Variants in TENM2 observed in about 807,000 individuals in gnomAD.
TENM2 encodes the protein teneurin-2.
A neutral mutation model predicts 245.2 loss-of-function variants in TENM2; 52 were observed. The observed-to-expected ratio is 0.21, with a 90% CI of 0.17 to 0.27. TENM2 has a LOEUF of 0.27. Ranked by LOEUF, TENM2 falls within the 10% of genes least tolerant of loss-of-function variation. The pLI is 1.00. For missense variants in TENM2, 3,046 were observed against 3,666.8 expected (o/e 0.83, Z 4.37); for synonymous variants, 1,363 against 1,438.9 (o/e 0.95, Z 1.19).
intron 2 of TENM2, among the ~76,000 whole-genome samples, chr5:167,388,086 A>G (rs981385580): frequency 1.3e-5 from 2 of 152,152 alleles, no homozygotes; most frequent in East Asian, 3.8e-4. Flanking sequence ...TAGTGTCAAT[A>G]GGATTGGTGC....
intron 10 of TENM2, among the ~76,000 whole-genome samples, chr5:168,124,624 CT>C (rs1289164340): frequency 6.6e-6 from 1 of 152,178 alleles, no homozygotes; most frequent in Non-Finnish European, 1.5e-5. Flanking sequence ...TCTCTTGTAT[CT>C]TCTTCAAGTT....
At chr5:167,978,713 A>G (rs1415225345) in intron 4 of TENM2, among the ~76,000 whole-genome samples, 1 of 152,192 alleles carries the variant, frequency 6.6e-6, no homozygotes, top group Non-Finnish European at 1.5e-5. Flanking sequence ...TGGAACTTAA[A>G]TAGAGGCAGA....
the TENM2 span, among the ~76,000 whole-genome samples, chr5:167,224,162 G>T: frequency 6.6e-6 from 1 of 152,040 alleles, no homozygotes; most frequent in Admixed American, 6.6e-5. Context: ...TCTGTTGATT[G>T]TTTCTTTTGC....
intron 3 of TENM2, among the ~76,000 whole-genome samples, chr5:167,878,352 A>G (rs1773596335): frequency 1.3e-5 from 2 of 152,200 alleles, no homozygotes. Context: ...AATGCCACAG[A>G]AAATTTAAGG....
the TENM2 span, among the ~76,000 whole-genome samples, chr5:167,144,204 C>A: frequency 6.6e-6 from 1 of 152,008 alleles, no homozygotes; most frequent in East Asian, 1.9e-4. Flanking sequence ...GTGGTGGGAG[C>A]GGTTCGCATT....
At chr5:167,006,735 C>T in the TENM2 span, among the ~76,000 whole-genome samples, 15 of 151,668 alleles carry the variant, frequency 9.9e-5, no homozygotes, top group South Asian at 6.2e-4. Context: ...GGAGTGATCT[C>T]GGCTCACTGC....
chr5:167,510,669 GAAGA>G (rs1009404517), intron 2 of TENM2, among the ~76,000 whole-genome samples: 20 of 151,776 alleles, frequency 1.3e-4, no homozygotes, highest in Non-Finnish European at 2.4e-4. Flanking sequence ...GAAAGGAAAG[GAAGA>G]AAGAAAATGA....
intron 2 of TENM2, among the ~76,000 whole-genome samples, chr5:167,499,058 A>G (rs1490810066): frequency 6.6e-6 from 1 of 151,754 alleles, no homozygotes. Context: ...TTTTTCTTGC[A>G]CTCTCTTCCT....
At chr5:167,149,444 G>T in the TENM2 span, among the ~76,000 whole-genome samples, 1 of 151,636 alleles carries the variant, frequency 6.6e-6, no homozygotes. Context: ...TTTTAAAGAA[G>T]ATTACATTCC....
the TENM2 span, among the ~76,000 whole-genome samples, chr5:167,241,868 G>A: frequency 2.0e-5 from 3 of 152,064 alleles, no homozygotes; most frequent in Admixed American, 1.3e-4. Flanking sequence ...AACGGTTGAT[G>A]GCTGAGGAAG....
chr5:167,902,090 G>T lies in TENM2; in HGVS notation c.712+25895G>T, dbSNP rs533200776. ...CTTCCATTTCTTGAGGCCATCTTGGGTTAGGCTAAGTGGAATTCTGCCAAC... is the reference window on the plus strand; with the variant it reads ...CTTCCATTTCTTGAGGCCATCTTGGTTTAGGCTAAGTGGAATTCTGCCAAC... On this transcript the variant is annotated intron_variant, in intron 3 of 28. Coordinates refer to ENST00000518659, the Ensembl canonical transcript of TENM2. Among the ~76,000 whole-genome samples the T allele has an allele frequency of 2.0e-3, 304 of 152,194 alleles. 2 individuals are homozygous for T. Among genetic ancestry groups the T allele is most frequent in the Middle Eastern group, 0.01 (3 of 294 alleles).
At chr5:167,785,061 G>A (rs1389256132) in intron 2 of TENM2, among the ~76,000 whole-genome samples, 1 of 151,982 alleles carries the variant, frequency 6.6e-6, no homozygotes, top group African/African-American at 2.4e-5. Context: ...TGAACTAAGA[G>A]GAAAATTTTT....
At chr5:167,748,736 A>G (rs973659045) in intron 2 of TENM2, among the ~76,000 whole-genome samples, 1 of 152,044 alleles carries the variant, frequency 6.6e-6, no homozygotes, top group African/African-American at 2.4e-5. Context: ...CAGGGGAGAG[A>G]AGTGCAAGTA....
chr5:167,064,895 G>C, the TENM2 span, among the ~76,000 whole-genome samples: 1 of 151,996 alleles, frequency 6.6e-6, no homozygotes, highest in Non-Finnish European at 1.5e-5. Flanking sequence ...TTAATTAGGG[G>C]GAGAGTAACG....
chr5:167,872,549 AGAAAGAAAGAAAGAAAG>A (rs1773059364), intron 2 of TENM2, among the ~76,000 whole-genome samples: 1 of 27,628 alleles, frequency 3.6e-5, no homozygotes, highest in Admixed American at 4.1e-4. Flanking sequence ...AGAAAGAAAG[AGAAAGAAAGAAAGAAAG>A]AAAGAAAGAA....
intron 2 of TENM2, among the ~76,000 whole-genome samples, chr5:167,626,543 T>C (rs1778513373): frequency 6.6e-6 from 1 of 152,220 alleles, no homozygotes; most frequent in African/African-American, 2.4e-5. Flanking sequence ...CTGGAGCTTT[T>C]TTAAAAACAA....
At chr5:168,195,085 G>T in intron 14 of TENM2, 91 bp from the exon 17 acceptor site, 1 of 1,450,022 alleles carries the variant, frequency 6.9e-7, no homozygotes, top group Non-Finnish European at 9.4e-7. Flanking sequence ...TTGCCTGAGG[G>T]ACCAGATGAG....
chr5:168,050,003 A>G (rs1275849140), intron 6 of TENM2, among the ~76,000 whole-genome samples: 1 of 152,052 alleles, frequency 6.6e-6, no homozygotes, highest in East Asian at 1.9e-4. Flanking sequence ...GAGTTTCACC[A>G]TGTTGCCCAG....
the TENM2 span, among the ~76,000 whole-genome samples, chr5:166,982,518 C>G: frequency 6.6e-6 from 1 of 151,958 alleles, no homozygotes; most frequent in Admixed American, 6.6e-5. Flanking sequence ...CTTTTTGTCC[C>G]TTCCCACTTG....
Sources: allele counts gnomAD v4.1 joint callset (sites outside exome capture counted in the v4.1 genomes callset), GRCh38; gene constraint gnomAD v4.1.1; transcripts MANE v1.5; gene names NCBI Gene and HGNC (gene_info 2026-07-23, HGNC 2026-07-21).